RAD51B: variants seen among roughly 807,000 people sequenced by gnomAD.
RAD51B encodes RAD51 paralog B, also known as DNA repair protein RAD51 homolog 2.
A neutral mutation model predicts 42.2 loss-of-function variants in RAD51B; 38 were observed. That is an observed-to-expected ratio of 0.90 (90% confidence interval 0.70 to 1.18). The LOEUF (loss-of-function observed/expected upper bound fraction) is 1.18. RAD51B is among the 50% of genes most tolerant of loss of function. The pLI is 0.00. For synonymous variants in RAD51B, 154 were observed against 145.2 expected, an observed-to-expected ratio of 1.06 and a Z score of -0.43; for missense variants, 373 against 400.7, an observed-to-expected ratio of 0.93 and a Z score of 0.59.
intron 10 of RAD51B, among the ~76,000 whole-genome samples, chr14:68,605,931 C>T (rs564346923): frequency 2.0e-5 from 3 of 152,174 alleles, no homozygotes; most frequent in Non-Finnish European, 4.4e-5. Context: ...GTAGGGGACA[C>T]GCTGTCTGTG....
chr14:68,607,031 TAA>T (rs1448994500), intron 10 of RAD51B, among the ~76,000 whole-genome samples: 3 of 152,202 alleles, frequency 2.0e-5, no homozygotes, highest in African/African-American at 7.2e-5. Context: ...ATGTAAATTA[TAA>T]AGTGTCACAT....
At chr14:68,670,855 C>T (rs1258414992) in intron 11 of RAD51B, among the ~76,000 whole-genome samples, 2 of 152,166 alleles carry the variant, frequency 1.3e-5, no homozygotes. Flanking sequence ...GCCAGCTCTC[C>T]ACCACCCATC....
At chr14:67,915,979 G>A (rs1049517446) in intron 7 of RAD51B, among the ~76,000 whole-genome samples, 1 of 152,180 alleles carries the variant, frequency 6.6e-6, no homozygotes, top group Non-Finnish European at 1.5e-5. Context: ...TACATCTTTG[G>A]AAGAAAGATT....
chr14:68,411,338 C>A, intron 8 of RAD51B, 86 bp from the exon 9 acceptor site: 1 of 1,109,636 alleles, frequency 9.0e-7, no homozygotes, highest in Non-Finnish European at 1.4e-6. Context: ...CTCTGGACTA[C>A]TGGCAATGAG....
chr14:67,859,749 T>A (rs2042104871), intron 4 of RAD51B, among the ~76,000 whole-genome samples: 1 of 152,184 alleles, frequency 6.6e-6, no homozygotes, highest in Admixed American at 6.5e-5. Context: ...AGTACATTAT[T>A]AGTAACATTA....
chr14:68,620,124 T>A (rs906415297), intron 10 of RAD51B, among the ~76,000 whole-genome samples: 7 of 152,208 alleles, frequency 4.6e-5, no homozygotes, highest in African/African-American at 1.4e-4. Context: ...CTCCTTACCC[T>A]TCCTCTTGCA....
At chr14:68,547,926 C>G (rs1189413696) in intron 10 of RAD51B, among the ~76,000 whole-genome samples, 1 of 152,158 alleles carries the variant, frequency 6.6e-6, no homozygotes, top group Non-Finnish European at 1.5e-5. Flanking sequence ...GGGAAGGAAA[C>G]TCACAAGGCA....
chr14:67,923,474 T>G (rs1281810257), intron 7 of RAD51B, among the ~76,000 whole-genome samples: 2 of 151,906 alleles, frequency 1.3e-5, no homozygotes, highest in African/African-American at 2.4e-5. Flanking sequence ...TAATTTTGTA[T>G]TTTTAGTAGA....
intron 10 of RAD51B, among the ~76,000 whole-genome samples, chr14:68,638,640 C>T (rs567572327): frequency 3.6e-4 from 54 of 151,784 alleles, no homozygotes; most frequent in African/African-American, 1.2e-3. Flanking sequence ...CTGGCCCAGT[C>T]GGGGACAAGT....
intron 7 of RAD51B, among the ~76,000 whole-genome samples, chr14:68,180,901 TC>T (rs2079050408): frequency 2.6e-5 from 4 of 152,160 alleles, no homozygotes; most frequent in Admixed American, 2.6e-4. Context: ...CAGTGAGACT[TC>T]CTTTTCATAC....
chr14:68,041,741 A>G (rs1002705479), intron 7 of RAD51B, among the ~76,000 whole-genome samples: 1 of 152,110 alleles, frequency 6.6e-6, no homozygotes, highest in Non-Finnish European at 1.5e-5. Flanking sequence ...TATGGATGTC[A>G]TCCTGACTCT....
intron 10 of RAD51B, among the ~76,000 whole-genome samples, chr14:68,585,398 C>G (rs1890409988): frequency 6.6e-6 from 1 of 152,216 alleles, no homozygotes; most frequent in Admixed American, 6.5e-5. Flanking sequence ...CAGAGAGGTT[C>G]TTAGCGAGTC....
chr14:68,634,814 C>T (rs936399831), intron 10 of RAD51B, among the ~76,000 whole-genome samples: 1 of 152,130 alleles, frequency 6.6e-6, no homozygotes, highest in African/African-American at 2.4e-5. Context: ...TTTACACCAG[C>T]TTGGGGGGCT....
chr14:68,546,041 G>A (rs1052355905), intron 10 of RAD51B, among the ~76,000 whole-genome samples: 7 of 152,138 alleles, frequency 4.6e-5, no homozygotes, highest in African/African-American at 1.4e-4. Flanking sequence ...TGAGTTCCAC[G>A]AGGACAGGGA....
At chr14:68,594,759 A>G (rs1890919286) in exon 11 of RAD51B, 4 of 1,264,332 alleles carry the variant, frequency 3.2e-6, no homozygotes, top group South Asian at 1.5e-5. Flanking sequence ...ATCTCATCCA[A>G]TGGCCACTGG....
chr14:67,875,476 A>G (rs1345489460), intron 5 of RAD51B, among the ~76,000 whole-genome samples: 2 of 152,198 alleles, frequency 1.3e-5, no homozygotes, highest in East Asian at 1.9e-4. Flanking sequence ...TGGTGGTTGC[A>G]TAAGATTATA....
intron 7 of RAD51B, among the ~76,000 whole-genome samples, chr14:68,028,264 G>C (rs182336646): frequency 2.8e-4 from 43 of 152,302 alleles, no homozygotes; most frequent in Admixed American, 2.2e-3. Flanking sequence ...TTTCCACCAG[G>C]TTTGCTTCTG....
At chr14:67,915,232 A>G (rs1447812553) in intron 7 of RAD51B, among the ~76,000 whole-genome samples, 1 of 152,170 alleles carries the variant, frequency 6.6e-6, no homozygotes, top group Non-Finnish European at 1.5e-5. Flanking sequence ...ATCTAAAACA[A>G]AAGTTGAAAT....
intron 9 of RAD51B, among the ~76,000 whole-genome samples, chr14:68,417,469 C>A (rs562433002): frequency 6.6e-6 from 1 of 152,220 alleles, no homozygotes; most frequent in African/African-American, 2.4e-5. Context: ...CCTGCCCACA[C>A]TCTTGCAACA....
Sources: gnomAD v4.1 joint callset for allele counts (sites outside exome capture counted in the v4.1 genomes callset) on GRCh38, gnomAD v4.1.1 for gene constraint, MANE v1.5 for transcripts, NCBI Gene and HGNC (gene_info 2026-07-23, HGNC 2026-07-21) for gene names.